Variants in IGSF21 observed in about 807,000 individuals in gnomAD.
IGSF21 encodes the protein immunoglobin superfamily member 21, also known as immunoglobulin superfamily member 21.
In IGSF21, 28 loss-of-function variants were observed where a neutral mutation model predicts 46.8. The observed-to-expected ratio is 0.60, with a 90% CI of 0.44 to 0.82. The LOEUF is 0.82. IGSF21 is among the 40% of genes least tolerant of loss of function. The probability of loss-of-function intolerance (pLI) is 0.00; values close to 1 mark genes in which losing one functional copy is unlikely to be tolerated. For synonymous variants in IGSF21, 284 were observed against 273.6 expected, an observed-to-expected ratio of 1.04 and a Z score of -0.38; for missense variants, 624 against 665.5, an observed-to-expected ratio of 0.94 and a Z score of 0.69.
At chr1:18,247,164 C>T (rs747075167) in intron 2 of IGSF21, among the ~76,000 whole-genome samples, 4 of 151,640 alleles carry the variant, frequency 2.6e-5, no homozygotes, top group Non-Finnish European at 4.4e-5. Context: ...TCCAGACTGC[C>T]ACTCTACCCG....
intron 3 of IGSF21, among the ~76,000 whole-genome samples, chr1:18,329,148 G>A (rs2085686524): frequency 6.6e-6 from 1 of 150,700 alleles, no homozygotes; most frequent in South Asian, 2.1e-4. Flanking sequence ...TCTGGGGGCA[G>A]TGGGGGAGAG....
chr1:18,206,265 G>A (rs1369769476), intron 1 of IGSF21, among the ~76,000 whole-genome samples: 1 of 152,188 alleles, frequency 6.6e-6, no homozygotes, highest in African/African-American at 2.4e-5. Context: ...AATGTGTTCT[G>A]GGGCTGGGTG....
chr1:18,134,308 G>A (rs185581375), intron 1 of IGSF21, among the ~76,000 whole-genome samples: 2 of 152,228 alleles, frequency 1.3e-5, no homozygotes, highest in Admixed American at 1.3e-4. Flanking sequence ...TTCTGTAAGG[G>A]GGGCAGAGAG....
At chr1:18,181,248 C>T (rs986029839) in intron 1 of IGSF21, among the ~76,000 whole-genome samples, 5 of 152,230 alleles carry the variant, frequency 3.3e-5, no homozygotes, top group Admixed American at 1.3e-4. Flanking sequence ...CCATCCTACA[C>T]GTAGCTGTGA....
At chr1:18,155,453 G>T in intron 1 of IGSF21, among the ~76,000 whole-genome samples, 1 of 152,214 alleles carries the variant, frequency 6.6e-6, no homozygotes, top group East Asian at 1.9e-4. Context: ...CCATGAGCTT[G>T]GCACCTCTGA....
intron 1 of IGSF21, among the ~76,000 whole-genome samples, chr1:18,178,608 A>G (rs1266878708): frequency 2.6e-5 from 4 of 152,226 alleles, no homozygotes; most frequent in Non-Finnish European, 5.9e-5. Context: ...TATTGTTATT[A>G]TTCTACGAGC....
intron 1 of IGSF21, among the ~76,000 whole-genome samples, chr1:18,210,826 G>A: frequency 6.6e-6 from 1 of 152,052 alleles, no homozygotes; most frequent in East Asian, 1.9e-4. Context: ...AATCACCCCT[G>A]GTTGAGAACC....
intron 4 of IGSF21, among the ~76,000 whole-genome samples, chr1:18,348,197 A>G (rs1569854802): frequency 2.0e-5 from 3 of 152,072 alleles, no homozygotes; most frequent in Admixed American, 2.0e-4. Context: ...TTGTTTTCAA[A>G]CCCTGATTGC....
At chr1:18,165,247 C>T (rs1361419193) in intron 1 of IGSF21, among the ~76,000 whole-genome samples, 1 of 152,056 alleles carries the variant, frequency 6.6e-6, no homozygotes, top group East Asian at 1.9e-4. Context: ...TGGTTTTTCC[C>T]ACAGTTCTGG....
At position 18,282,137 on chromosome 1, in the gene IGSF21, T is replaced by C. The variant is rs535145116; in HGVS notation, c.184-9729T>C. On this transcript the variant is annotated intron_variant, in intron 2 of 9. Transcript: ENST00000251296. ...GCAGTTGATGGCCCCCTGGGAAAGCTGCAAAGAGACCCTGGTGAGGAGTGG... is the reference window on the plus strand; with the variant it reads ...GCAGTTGATGGCCCCCTGGGAAAGCCGCAAAGAGACCCTGGTGAGGAGTGG... Among the ~76,000 whole-genome samples the C allele has an allele frequency of 6.6e-5, 10 of 152,230 alleles. No individual in the cohort carries two copies. The South Asian group carries it at 2.1e-3, about 32-fold the overall frequency.
chr1:18,338,876 G>T (rs1376789135), intron 4 of IGSF21, among the ~76,000 whole-genome samples: 2 of 151,950 alleles, frequency 1.3e-5, no homozygotes, highest in East Asian at 1.9e-4. Context: ...GATTTTGAAG[G>T]TTCTTCTGGG....
chr1:18,330,694 G>T (rs1464233822), intron 3 of IGSF21, among the ~76,000 whole-genome samples: 1 of 151,992 alleles, frequency 6.6e-6, no homozygotes, highest in Non-Finnish European at 1.5e-5. Context: ...CATAGCTAGA[G>T]ATGTAGAAGG....
At chr1:18,262,315 CAG>C (rs1438476398) in intron 2 of IGSF21, among the ~76,000 whole-genome samples, 2 of 152,174 alleles carry the variant, frequency 1.3e-5, no homozygotes, top group Non-Finnish European at 2.9e-5. Context: ...GAACCTGAGG[CAG>C]AGAGTGCAGT....
intron 6 of IGSF21, among the ~76,000 whole-genome samples, chr1:18,369,721 A>G (rs882916): frequency 0.75 from 114,617 of 152,072 alleles, 43,290 homozygotes; most frequent in Admixed American, 0.79. Flanking sequence ...CGAGGGTGGG[A>G]TGTGTCTCCC....
chr1:18,267,205 A>G (rs971234193), intron 2 of IGSF21, among the ~76,000 whole-genome samples: 5 of 152,192 alleles, frequency 3.3e-5, no homozygotes, highest in African/African-American at 7.2e-5. Flanking sequence ...AATAAATGTC[A>G]TTGTACACTG....
At chr1:18,168,666 A>C (rs533852032) in intron 1 of IGSF21, among the ~76,000 whole-genome samples, 12 of 152,342 alleles carry the variant, frequency 7.9e-5, no homozygotes, top group African/African-American at 2.2e-4. Flanking sequence ...GGAAGAAGAA[A>C]GGAATCGCTC....
At chr1:18,370,080 C>T (rs1014695100) in intron 6 of IGSF21, among the ~76,000 whole-genome samples, 6 of 152,158 alleles carry the variant, frequency 3.9e-5, no homozygotes, top group Non-Finnish European at 7.3e-5. Context: ...CCACTCCTCA[C>T]GGTCTCCTCT....
chr1:18,199,939 G>A (rs2087053456), intron 1 of IGSF21, among the ~76,000 whole-genome samples: 1 of 151,186 alleles, frequency 6.6e-6, no homozygotes, highest in Admixed American at 6.6e-5. Flanking sequence ...ATTGCATTGT[G>A]TGAGCAGGGT....
chr1:18,178,119 G>A (rs981355281), intron 1 of IGSF21, among the ~76,000 whole-genome samples: 3 of 152,150 alleles, frequency 2.0e-5, no homozygotes, highest in African/African-American at 7.2e-5. Context: ...GAAAGAGGGA[G>A]CAGGCTGGAA....
Sources: allele counts gnomAD v4.1 joint callset (sites outside exome capture counted in the v4.1 genomes callset), GRCh38; gene constraint gnomAD v4.1.1; transcripts MANE v1.5; gene names NCBI Gene and HGNC (gene_info 2026-07-23, HGNC 2026-07-21).